The following SLC36A1 variants were observed in gnomAD, a reference collection of about 807,000 sequenced individuals.
The protein encoded by SLC36A1 is proton-coupled amino acid transporter 1.
A neutral mutation model predicts 47.5 loss-of-function variants in SLC36A1; 30 were observed. The ratio of observed to expected loss-of-function variants is 0.63; its 90% CI spans 0.47 to 0.86. The LOEUF is 0.86. Ranked by LOEUF, SLC36A1 falls within the 40% of genes least tolerant of loss-of-function variation. SLC36A1 has a pLI of 0.00. For missense variants in SLC36A1, 517 were observed against 606.0 expected, an observed-to-expected ratio of 0.85 and a Z score of 1.54; for synonymous variants, 255 against 249.7, an observed-to-expected ratio of 1.02 and a Z score of -0.20.
At chr5:151,373,154 C>T in the SLC36A1 span, among the ~76,000 whole-genome samples, 10 of 151,930 alleles carry the variant, frequency 6.6e-5, no homozygotes, top group East Asian at 5.8e-4. Flanking sequence ...AGTTCAGAGC[C>T]GAGTGCAGTG....
the SLC36A1 span, among the ~76,000 whole-genome samples, chr5:151,351,030 C>T: frequency 1.3e-5 from 2 of 152,158 alleles, no homozygotes; most frequent in South Asian, 2.1e-4. Context: ...TTTGGTGTTT[C>T]TCAACTGTAA....
chr5:151,477,027 T>G (rs1424129640), intron 9 of SLC36A1: 7 of 557,508 alleles, frequency 1.3e-5, no homozygotes, highest in Non-Finnish European at 2.0e-5. Context: ...GGACCGAGTA[T>G]CTAGTCCATT....
intron 7 of SLC36A1, among the ~76,000 whole-genome samples, chr5:151,470,284 C>T (rs183453414): frequency 6.6e-6 from 1 of 152,162 alleles, no homozygotes; most frequent in Non-Finnish European, 1.5e-5. Context: ...ACAGACACAC[C>T]TGCTGCATTT....
chr5:151,512,218 C>T, the SLC36A1 span: 9 of 1,614,084 alleles, frequency 5.6e-6, no homozygotes, highest in Non-Finnish European at 6.8e-6. The surrounding 1 kb of genome is among the most constrained non-coding windows in gnomAD (Gnocchi z 4.1). Flanking sequence ...GTTCTGGCTG[C>T]AGTAGTCACT....
the SLC36A1 span, chr5:151,507,157 T>C: frequency 6.3e-7 from 1 of 1,577,364 alleles, no homozygotes; most frequent in South Asian, 1.2e-5. Context: ...TACTGACCCA[T>C]CTCCTCGCTG....
At position 151,464,642 on chromosome 5, in the gene SLC36A1, C is replaced by T. The variant is rs1201211870; in HGVS notation, c.323+40C>T. ...AGCCACCTCTCAAGTGACAGATTGT[C>T]CTTTTGGGTTCTGTTATCAACCCTG... On this transcript the variant is annotated intron_variant, in intron 4 of 10. Transcript: ENST00000243389. 8 of 1,568,430 alleles carry T rather than the reference C, an allele frequency of 5.1e-6. No individual in the cohort carries two copies. In the South Asian group the frequency reaches 8.9e-5, roughly 17 times the overall value.
At chr5:151,545,507 C>T in the SLC36A1 span, 2 of 1,614,042 alleles carry the variant, frequency 1.2e-6, no homozygotes, top group Admixed American at 1.7e-5. Flanking sequence ...TATATCTGTT[C>T]TGAGAATCTG....
At chr5:151,367,309 ACAAGACAAACATTCC>A in the SLC36A1 span, among the ~76,000 whole-genome samples, 1 of 150,654 alleles carries the variant, frequency 6.6e-6, no homozygotes, top group South Asian at 2.1e-4. Context: ...TCTCAACGGC[ACAAGACAAACATTCC>A]CAGAGCGGCC....
In SLC36A1 at chr5:151,476,633, C is replaced by T; in HGVS notation, c.866C>T (p.Pro289Leu). 1 of 1,609,376 alleles carries T rather than the reference C, an allele frequency of 6.2e-7. No individual in the cohort carries two copies. The highest frequency in any genetic ancestry group is 8.5e-7 in the Non-Finnish European group (1 of 1,177,848). ...ENKMKDPRKF[P>L]LILYLGMVIV... is the part of the protein sequence containing the mutation. ...AAAATGAAGGATCCTCGGAAGTTCC[C>T]ACTCATCCTGTACCTGGGCATGGTC... Residue 289 changes from proline to leucine, a missense_variant, in exon 9 of 11, where the codon CCA becomes CTA. Coordinates refer to ENST00000243389, the MANE Select transcript of SLC36A1 (RefSeq NM_078483.4).
chr5:151,540,491 C>T, the SLC36A1 span: 1 of 1,383,352 alleles, frequency 7.2e-7, no homozygotes. Flanking sequence ...TCCTGCTCCT[C>T]ACTCTCTGTT....
the SLC36A1 span, among the ~76,000 whole-genome samples, chr5:151,392,364 T>C: frequency 6.6e-6 from 1 of 152,204 alleles, no homozygotes; most frequent in Non-Finnish European, 1.5e-5. Context: ...CCTGGATTCA[T>C]TGATTTTTTT....
At chr5:151,542,960 T>C in the SLC36A1 span, 1 of 1,614,234 alleles carries the variant, frequency 6.2e-7, no homozygotes, top group Non-Finnish European at 8.5e-7. Context: ...AGACTGTAGA[T>C]GACTGGATCT....
the SLC36A1 span, among the ~76,000 whole-genome samples, chr5:151,550,116 G>A: frequency 1.3e-5 from 2 of 152,146 alleles, no homozygotes; most frequent in African/African-American, 4.8e-5. Flanking sequence ...AAGCAAGTGA[G>A]GCAAGTAGGG....
upstream of SLC36A1, among the ~76,000 whole-genome samples, chr5:151,433,800 C>G (rs1057133125): frequency 6.6e-6 from 1 of 152,010 alleles, no homozygotes; most frequent in African/African-American, 2.4e-5. Flanking sequence ...GAGACAAATT[C>G]CGGAGCTGAG....
chr5:151,539,508 A>G, the SLC36A1 span, among the ~76,000 whole-genome samples: 276 of 152,326 alleles, frequency 1.8e-3, no homozygotes, highest in African/African-American at 6.3e-3. Flanking sequence ...ATATATGCAT[A>G]GGTATTTGCC....
At chr5:151,375,407 C>T in the SLC36A1 span, among the ~76,000 whole-genome samples, 1 of 152,058 alleles carries the variant, frequency 6.6e-6, no homozygotes, top group East Asian at 1.9e-4. Flanking sequence ...TTATTCTGTT[C>T]CATTGGTCTT....
At chr5:151,349,927 T>C in the SLC36A1 span, among the ~76,000 whole-genome samples, 7 of 152,344 alleles carry the variant, frequency 4.6e-5, no homozygotes, top group South Asian at 2.1e-4. Context: ...TTGAGTCCAC[T>C]GTTCTATGGA....
At chr5:151,407,314 C>T in the SLC36A1 span, among the ~76,000 whole-genome samples, 3 of 152,180 alleles carry the variant, frequency 2.0e-5, no homozygotes, top group South Asian at 4.1e-4. Flanking sequence ...CTGATTGGTG[C>T]GTTTACAAAC....
At chr5:151,462,867 T>C (rs761694513) in intron 2 of SLC36A1, among the ~76,000 whole-genome samples, 3 of 151,910 alleles carry the variant, frequency 2.0e-5, no homozygotes, top group Middle Eastern at 3.4e-3. Flanking sequence ...TGTTGCAGTT[T>C]TGGGATCTGA....
Sources: allele counts gnomAD v4.1 joint callset (sites outside exome capture counted in the v4.1 genomes callset), GRCh38; gene constraint gnomAD v4.1.1; non-coding constraint Gnocchi (gnomAD v3.1); transcripts MANE v1.5; gene names NCBI Gene and HGNC (gene_info 2026-07-23, HGNC 2026-07-21).